DHX32: variants seen among roughly 807,000 people sequenced by gnomAD.
The protein encoded by DHX32 is putative pre-mRNA-splicing factor ATP-dependent RNA helicase DHX32.
In DHX32, 51 loss-of-function variants were observed where a neutral mutation model predicts 70.0. The observed-to-expected ratio is 0.73, with a 90% CI of 0.58 to 0.92. The LOEUF is 0.92. Ranked by LOEUF, DHX32 falls within the 40% of genes least tolerant of loss-of-function variation. The pLI, the probability that DHX32 is intolerant of heterozygous loss-of-function variation, is 0.00. For synonymous variants in DHX32, 310 were observed against 315.3 expected (o/e 0.98, Z 0.18); for missense variants, 762 against 891.8 (o/e 0.85, Z 1.85).
rs138578368 is a variant in DHX32 at position 125,889,165 on chromosome 10, C to T, written c.-248+7053G>A. On this transcript the variant is annotated intron_variant, in intron 1 of 2. Transcript: ENST00000415732. ...AACTTATAACACTATTGCAAACACT[C>T]ACTGCATATATTCAACACATTTATT... Among the ~76,000 whole-genome samples, 254 of 152,344 alleles carry T rather than the reference C, an allele frequency of 1.7e-3. 8 individuals are homozygous for T. In the East Asian group the frequency reaches 0.043, roughly 26 times the overall value.
At chr10:125,892,825 C>G (rs79653160) in intron 1 of DHX32, among the ~76,000 whole-genome samples, 1,028 of 110,360 alleles carry the variant, frequency 9.3e-3, no homozygotes, top group South Asian at 0.027. Flanking sequence ...ATCAGACAAC[C>G]ATTGCAGGTT....
chr10:125,860,000 A>G, intron 2 of DHX32, 25 bp from the exon 3 acceptor site: 1 of 1,508,162 alleles, frequency 6.6e-7, no homozygotes, highest in South Asian at 1.4e-5. Flanking sequence ...CATTAAAGTT[A>G]GAATATTCTT....
chr10:125,838,553 T>C (rs1012750089), intron 9 of DHX32, among the ~76,000 whole-genome samples, 166 bp from the exon 10 acceptor site: 3 of 152,234 alleles, frequency 2.0e-5, no homozygotes, highest in African/African-American at 7.2e-5. Context: ...GCCATAAGCA[T>C]GTTTTGCCTA....
chr10:125,873,883 C>T (rs758997907), intron 1 of DHX32, among the ~76,000 whole-genome samples: 2 of 152,222 alleles, frequency 1.3e-5, no homozygotes, highest in African/African-American at 2.4e-5. Flanking sequence ...AATAGAAGTA[C>T]AGATGTTCTA....
chr10:125,838,432 G>A, intron 9 of DHX32, 45 bp from the exon 10 acceptor site: 3 of 1,477,164 alleles, frequency 2.0e-6, no homozygotes, highest in Non-Finnish European at 2.7e-6. Flanking sequence ...TATTAATATG[G>A]AGATCATTAT....
intron 3 of DHX32, among the ~76,000 whole-genome samples, chr10:125,856,688 A>G (rs188190507): frequency 1.6e-4 from 24 of 152,272 alleles, no homozygotes; most frequent in African/African-American, 5.5e-4. Context: ...GCTCATGCCT[A>G]TAATCCCAGC....
At chr10:125,839,209 G>A (rs1480199809) in intron 8 of DHX32, 21 bp from the exon 9 acceptor site, 2 of 1,608,584 alleles carry the variant, frequency 1.2e-6, no homozygotes, top group African/African-American at 2.7e-5. Context: ...AAGAACACAA[G>A]GCTATTTAGA....
rs1461236130 is a variant in DHX32 at position 125,866,837 on chromosome 10, G to A, written c.476+153C>T. 6.6e-6 allele frequency among the ~76,000 whole-genome samples: 1 copy of A among 152,272 alleles called. No individual in the cohort carries two copies. Among genetic ancestry groups the A allele is most frequent in the Non-Finnish European group, 1.5e-5 (1 of 68,044 alleles). On this transcript the variant is annotated intron_variant, in intron 2 of 10. Coordinates refer to ENST00000284690, the MANE Select transcript of DHX32 (RefSeq NM_018180.3). The surrounding 1 kb of genome is among the most constrained non-coding windows in gnomAD (Gnocchi z 4.8). Reference sequence around the variant, plus strand: ...TCCCAGATGATGCCAGTGTGGGAAAGCAACTGTTGCTGGCTGGCTGATGAC... The same window carrying A: ...TCCCAGATGATGCCAGTGTGGGAAAACAACTGTTGCTGGCTGGCTGATGAC...
chr10:125,838,919 A>T, intron 9 of DHX32, 82 bp downstream of exon 9: 1 of 1,389,274 alleles, frequency 7.2e-7, no homozygotes. Flanking sequence ...CAAAATCATC[A>T]TCCTAAGCCA....
intron 6 of DHX32, chr10:125,842,803 G>A (rs959338294): frequency 1.1e-6 from 1 of 950,946 alleles, no homozygotes; most frequent in Non-Finnish European, 1.3e-6. Flanking sequence ...AAGATAGCAA[G>A]CTGATTCTCT....
chr10:125,875,123 G>A (rs1056078738), intron 1 of DHX32, among the ~76,000 whole-genome samples: 3 of 152,172 alleles, frequency 2.0e-5, no homozygotes, highest in Admixed American at 6.6e-5. Flanking sequence ...AAAGGCTGAG[G>A]TGGGAGGATC....
intron 1 of DHX32, among the ~76,000 whole-genome samples, chr10:125,889,054 G>A (rs61870759): frequency 5.3e-5 from 8 of 151,674 alleles, no homozygotes; most frequent in Middle Eastern, 3.2e-3. Context: ...GTAAGACTCC[G>A]TTTCCAAAAA....
Position 125,850,211 on chromosome 10 carries a change from C to G in DHX32, c.1351+2082G>C, listed in dbSNP as rs559235667. ...AGGCTGGTCTTGAATTCCTGGCCCTCAAGCAGTTCTCCCACCTCAGCCTCC... is the reference window on the plus strand; with the variant it reads ...AGGCTGGTCTTGAATTCCTGGCCCTGAAGCAGTTCTCCCACCTCAGCCTCC... On this transcript the variant is annotated intron_variant, in intron 6 of 10. Coordinates refer to ENST00000284690, the MANE Select transcript of DHX32 (RefSeq NM_018180.3). 2.6e-5 allele frequency among the ~76,000 whole-genome samples: 4 copies of G among 151,550 alleles called. No homozygotes were observed. In the South Asian group the frequency reaches 8.4e-4, roughly 32 times the overall value.
chr10:125,853,254 A>G (rs1464548984), intron 4 of DHX32: 1 of 1,568,152 alleles, frequency 6.4e-7, no homozygotes, highest in African/African-American at 1.4e-5. Flanking sequence ...TAAGTCAGGG[A>G]TATTTAGGAG....
Position 125,873,386 on chromosome 10 carries a change from G to A in DHX32, c.283-6203C>T, listed in dbSNP as rs141330552. Among the ~76,000 whole-genome samples the A allele has an allele frequency of 7.0e-4, 106 of 152,220 alleles. No homozygotes were observed. The South Asian group carries it at 1.0e-2, about 14-fold the overall frequency. On this transcript the variant is annotated intron_variant, in intron 1 of 10. Transcript: ENST00000284690. The stretch of plus-strand genomic sequence containing the variant: ...TGTTAGACACATACTAGTCCCAAAG[G>A]CCTCTAATCCCTCACTTTTGATCAT...
chr10:125,882,037 C>A (rs1589718511), upstream of DHX32, among the ~76,000 whole-genome samples: 1 of 152,188 alleles, frequency 6.6e-6, no homozygotes, highest in South Asian at 2.1e-4. Context: ...AACATGTCAG[C>A]TCCAAGAGGC....
rs377648630 is a variant in DHX32 at position 125,846,151 on chromosome 10, C to T, written c.1352-4217G>A. 1.6e-4 allele frequency among the ~76,000 whole-genome samples: 24 copies of T among 152,326 alleles called. No homozygotes were observed. The East Asian group carries it at 2.1e-3, about 13-fold the overall frequency. ...TAAGGGCATTGGGAAAGTTCTGCCACTTCACAAATTACCAACGGTCTCCAC... is the reference window on the plus strand; with the variant it reads ...TAAGGGCATTGGGAAAGTTCTGCCATTTCACAAATTACCAACGGTCTCCAC... On this transcript the variant is annotated intron_variant, in intron 6 of 10. Transcript: ENST00000284690.
At chr10:125,887,639 G>GT (rs559463047) in intron 1 of DHX32, among the ~76,000 whole-genome samples, 2,812 of 150,698 alleles carry the variant, frequency 0.019, 96 homozygotes, top group African/African-American at 0.064. Flanking sequence ...TTGTGTGTGT[G>GT]TTTTTTTTTA....
intron 6 of DHX32, among the ~76,000 whole-genome samples, chr10:125,851,056 G>C (rs1299426723): frequency 6.6e-6 from 1 of 152,192 alleles, no homozygotes; most frequent in Non-Finnish European, 1.5e-5. Context: ...TTTAAAAAGA[G>C]GTCCAGATCA....
Sources: gnomAD v4.1 joint callset for allele counts (sites outside exome capture counted in the v4.1 genomes callset) on GRCh38, gnomAD v4.1.1 for gene constraint, Gnocchi (gnomAD v3.1) non-coding constraint, MANE v1.5 for transcripts, NCBI Gene and HGNC (gene_info 2026-07-23, HGNC 2026-07-21) for gene names.